ATP13A2: variants seen among roughly 807,000 people sequenced by gnomAD.
The protein encoded by ATP13A2 is ATPase cation transporting 13A2, also known as polyamine-transporting ATPase 13A2.
A neutral mutation model predicts 138.3 loss-of-function variants in ATP13A2; 83 were observed. That is an observed-to-expected ratio of 0.60 (90% CI 0.50 to 0.72). The LOEUF (loss-of-function observed/expected upper bound fraction) is 0.72. ATP13A2 is among the 30% of genes least tolerant of loss of function. The pLI, the probability that ATP13A2 is intolerant of heterozygous loss-of-function variation, is 0.00. For synonymous variants in ATP13A2, 663 were observed against 699.0 expected (o/e 0.95, Z 0.81); for missense variants, 1,402 against 1,606.4 (o/e 0.87, Z 2.17).
chr1:17,000,625 G>A, intron 8 of ATP13A2, 91 bp from the exon 9 acceptor site: 1 of 1,502,222 alleles, frequency 6.7e-7, no homozygotes, highest in Non-Finnish European at 9.0e-7. Context: ...GGAGCAGAGG[G>A]CCCAGTGGCT....
intron 11 of ATP13A2, among the ~76,000 whole-genome samples, chr1:16,998,033 T>A (rs1365751892): frequency 6.6e-6 from 1 of 152,180 alleles, no homozygotes; most frequent in Non-Finnish European, 1.5e-5. Flanking sequence ...CCTTACTGAA[T>A]GCCTGCAGGC....
At position 17,005,320 on chromosome 1, in the gene ATP13A2, C is replaced by A. The variant is rs934582014; in HGVS notation, c.288+54G>T. 5.1e-6 allele frequency: 8 copies of A among 1,554,472 alleles called. No homozygotes were observed. In the African/African-American group the frequency reaches 1.1e-4, roughly 21 times the overall value. On this transcript the variant is annotated intron_variant, in intron 3 of 28. Transcript: ENST00000326735. ...GTTGGCACCCAAGCATCCTCCACCC[C>A]CGACCCTGACCCTCACTGCGCTTCT...
chr1:16,993,355 G>A (rs551496808), intron 16 of ATP13A2, among the ~76,000 whole-genome samples: 11 of 152,314 alleles, frequency 7.2e-5, no homozygotes, highest in Admixed American at 7.2e-4. Flanking sequence ...CTACAGGCAT[G>A]CACCACCACG....
chr1:16,988,342 C>T lies in ATP13A2; in HGVS notation c.2742G>A (p.Glu914=), dbSNP rs146234171. 208 of 1,614,080 alleles carry T rather than the reference C, an allele frequency of 1.3e-4. 1 individual carries two copies. The highest frequency in any genetic ancestry group is 1.7e-4 in the Non-Finnish European group (195 of 1,180,052). Residue 914 remains glutamate, a synonymous_variant, in exon 24 of 29, where the codon GAG becomes GAA. Coordinates refer to ENST00000326735, the MANE Select transcript of ATP13A2 (RefSeq NM_022089.4). The stretch of plus-strand genomic sequence containing the variant: ...CTTACCTGATGACCATGGGCACGCA[C>T]TCAATACTGGCCATGCTCGAGGTGA... ...SPFTSSMASI[E]CVPMVIREGR...
Position 16,995,471 on chromosome 1 carries a change from ATTT to A in ATP13A2, c.1542+502_1542+504del, listed in dbSNP as rs766448101. On this transcript the variant is annotated intron_variant, in intron 15 of 28. Coordinates refer to ENST00000326735, the MANE Select transcript of ATP13A2 (RefSeq NM_022089.4). The surrounding 1 kb of genome is among the most constrained non-coding windows in gnomAD (Gnocchi z 4.1). ...CTAGGGCCCCAGGTCCCCACCAGTA[ATTT>A]TTTTTTTTTTTTGAGTTTTGCTCTG... 1.4e-4 allele frequency: 29 copies of A among 214,554 alleles called. No individual in the cohort carries two copies. The highest frequency in any genetic ancestry group is 5.0e-4 in the East Asian group (4 of 7,922). The allele number at this position is 214,554 out of a possible 1,614,324, so 13.3% of individuals were successfully genotyped here.
chr1:17,005,343 T>G, intron 3 of ATP13A2, 31 bp downstream of exon 3: 1 of 1,570,538 alleles, frequency 6.4e-7, no homozygotes, highest in Non-Finnish European at 8.6e-7. Context: ...TCACTGCGCT[T>G]CTCTAGCCCC....
rs1189392205 is a variant in ATP13A2, at chr1:17,004,492, TG to T, written c.478-82del. 1.3e-6 allele frequency: 2 copies of T among 1,561,744 alleles called. No homozygotes were observed. The highest frequency in any genetic ancestry group is 2.3e-5 in the East Asian group (1 of 43,410). On this transcript the variant is annotated intron_variant, in intron 5 of 28. Transcript: ENST00000326735. The surrounding 1 kb of genome is among the most constrained non-coding windows in gnomAD (Gnocchi z 4.1). ...TGTGCTTATGCTGGGAGCCGAGGGA[TG>T]GGGGTAGGGGGCAGGGACTGGTGTC... is the stretch of plus-strand genomic sequence containing the variant.
intron 11 of ATP13A2, 139 bp downstream of exon 11, chr1:16,999,872 G>C: frequency 8.0e-7 from 1 of 1,242,668 alleles, no homozygotes. Context: ...CTGCACTCCA[G>C]CCTGGACAAC....
chr1:16,992,054 G>A lies in ATP13A2; in HGVS notation c.2081C>T (p.Pro694Leu), dbSNP rs1403979482. Residue 694 changes from proline (P) to leucine (L), a missense_variant, in exon 19 of 29, where the codon CCA (proline) becomes CTA (leucine). Transcript: ENST00000326735. The stretch of plus-strand genomic sequence containing the variant: ...CTCCAGGCTGGGCACAGTGGGCAGT[G>A]GCTTGCTGGCCAGGGCCACGACACG... ...GYRVVALASK[P>L]LPTVPSLEAA... The A allele has an allele frequency of 6.2e-7, 1 of 1,613,306 alleles. No homozygotes were observed. The highest frequency in any genetic ancestry group is 1.1e-5 in the South Asian group (1 of 91,078).
chr1:17,010,856 C>A (rs1241070987), intron 1 of ATP13A2, among the ~76,000 whole-genome samples: 1 of 152,156 alleles, frequency 6.6e-6, no homozygotes, highest in South Asian at 2.1e-4. Context: ...GGCAGCGGCC[C>A]AGGGCGGCTG....
chr1:16,996,134 G>C lies in ATP13A2; in HGVS notation c.1384C>G (p.Leu462Val), dbSNP rs773341880. ...VPLNEIVIRA[L>V]DLVTVVVPPA... The stretch of plus-strand genomic sequence containing the variant: ...GGCACCACCACGGTCACCAGGTCGA[G>C]AGCCCGGATTACAATCTCATTCAGA... The change falls in exon 15 of 29, where the codon CTC becomes GTC. Residue 462 changes from leucine (L) to valine (V), a missense_variant. Transcript: ENST00000326735. 3.7e-6 allele frequency: 6 copies of C among 1,614,162 alleles called. No homozygotes were observed. The South Asian group carries it at 6.6e-5, about 18-fold the overall frequency.
At chr1:17,001,871 C>T (rs974521100) in intron 8 of ATP13A2, among the ~76,000 whole-genome samples, 163 bp downstream of exon 8, 2 of 152,222 alleles carry the variant, frequency 1.3e-5, no homozygotes, top group African/African-American at 2.4e-5. Context: ...CCTGGTCTCT[C>T]TGGCTAGGCT....
In ATP13A2 at chr1:16,993,275, G is replaced by A. The variant is rs149452898; in HGVS notation, c.1749+354C>T. ...CTGTTACCCAGGCTGGAGTGCAGTA[G>A]CGTGATCACAGCTCCCTGTAGCCTC... On this transcript the variant is annotated intron_variant, in intron 16 of 28. Transcript: ENST00000326735. Among the ~76,000 whole-genome samples the A allele has an allele frequency of 4.7e-3, 714 of 152,272 alleles. 7 individuals are homozygous for A. The highest frequency in any genetic ancestry group is 0.016 in the African/African-American group (685 of 41,554).
Position 16,987,145 on chromosome 1 carries a change from G to A in ATP13A2, c.2984C>T (p.Ala995Val), listed in dbSNP as rs776071534. 17 of 1,612,844 alleles carry A rather than the reference G, an allele frequency of 1.1e-5. No homozygotes were observed. Among genetic ancestry groups the A allele is most frequent in the East Asian group, 2.2e-5 (1 of 44,874 alleles). ...LVLGRVRPPG[A>V]LLSVPVLSSL... ...GCTGAGCACGGGCACGCTGAGCAGC[G>A]CCCCCGGTGGCCGCACCCGTCCCAG... The change falls in exon 26 of 29, where the codon GCG becomes GTG. Residue 995 changes from alanine to valine, a missense_variant. By Grantham distance (64) the Ala-to-Val change is moderately conservative (BLOSUM62 0). Transcript: ENST00000326735.
chr1:16,986,241 G>T lies in ATP13A2; in HGVS notation c.3523C>A (p.Pro1175Thr). The change falls in exon 29 of 29, where the codon CCC becomes ACC. Residue 1175 changes from proline to threonine, a missense_variant. Transcript: ENST00000326735. The surrounding 1 kb of genome is among the most constrained non-coding windows in gnomAD (Gnocchi z 6.9). ...ELAEQPWPPL[P>T]AGPLR is the part of the protein sequence containing the mutation. ...CTGCACTACCTCAGGGGGCCGGCGG[G>T]CAGCGGCGGCCAGGGCTGCTCGGCC... 1.9e-6 allele frequency: 3 copies of T among 1,610,532 alleles called. No homozygotes were observed. Among genetic ancestry groups the T allele is most frequent in the Non-Finnish European group, 2.5e-6 (3 of 1,178,910 alleles).
At chr1:16,991,586 G>T in intron 20 of ATP13A2, 148 bp downstream of exon 20, 1 of 1,181,418 alleles carries the variant, frequency 8.5e-7, no homozygotes. Context: ...GGGGGATATT[G>T]TGAAGATTCA....
At chr1:17,002,460 C>G (rs906416184) in intron 6 of ATP13A2, 87 bp from the exon 7 acceptor site, 6 of 1,454,044 alleles carry the variant, frequency 4.1e-6, no homozygotes, top group Non-Finnish European at 5.7e-6. Flanking sequence ...ACTATGGGCT[C>G]TAGGCCCCCC....
At chr1:17,008,493 GGGT>G (rs2077649292) in intron 1 of ATP13A2, among the ~76,000 whole-genome samples, 2 of 152,168 alleles carry the variant, frequency 1.3e-5, no homozygotes, top group Admixed American at 6.5e-5. Flanking sequence ...GTTCCTGGGG[GGGT>G]TGCGTGGACA....
chr1:16,999,405 AGG>A (rs2077263639), intron 11 of ATP13A2, among the ~76,000 whole-genome samples: 3 of 125,916 alleles, frequency 2.4e-5, no homozygotes, highest in South Asian at 2.5e-4. Context: ...AAAAAAAAAA[AGG>A]AGAAATAGCC....
Sources: gnomAD v4.1 joint callset for allele counts (sites outside exome capture counted in the v4.1 genomes callset) on GRCh38, gnomAD v4.1.1 for gene constraint, Gnocchi (gnomAD v3.1) non-coding constraint, MANE v1.5 for transcripts, NCBI Gene and HGNC (gene_info 2026-07-23, HGNC 2026-07-21) for gene names.